The following CKAP2 variants were observed in gnomAD, a reference collection of about 807,000 sequenced individuals.
CKAP2 encodes cytoskeleton-associated protein 2.
Under a neutral mutation model 58.4 loss-of-function variants are expected in CKAP2, and 46 were observed. The observed-to-expected ratio is 0.79, with a 90% CI of 0.62 to 1.01. CKAP2 has a LOEUF of 1.01. Among genes scored for constraint, CKAP2 ranks in the 50% least tolerant of loss-of-function variants. The pLI is 0.00. For missense variants in CKAP2, 809 were observed against 796.4 expected (o/e 1.02, Z -0.19); for synonymous variants, 293 against 280.9 (o/e 1.04, Z -0.43).
Position 52,461,938 on chromosome 13 carries a change from T to G in CKAP2, c.1100+12T>G. 6.4e-7 allele frequency: 1 copy of G among 1,560,892 alleles called. No individual in the cohort carries two copies. Among genetic ancestry groups the G allele is most frequent in the Non-Finnish European group, 8.6e-7 (1 of 1,158,924 alleles). ...TCGGAAGAGAGAAAGTAAGTAGATA[T>G]AATTTTCTTTATTACATTAGTTTTC... On this transcript the variant is annotated intron_variant, in intron 4 of 8. Transcript: ENST00000258607.
At position 52,468,283 on chromosome 13, in the gene CKAP2, TGAA is replaced by T. The variant is rs1049537120; in HGVS notation, c.1485_1487del (p.Glu496del). ...TCTTCATTAAAAAAATTAAGCCTAT[TGAA>T]GAGATGCGACACACGATTGTAGATA... On this transcript the variant is annotated inframe_deletion, in exon 7 of 9. Coordinates refer to ENST00000258607, the MANE Select transcript of CKAP2 (RefSeq NM_018204.5). The T allele has an allele frequency of 6.3e-7, 1 of 1,588,318 alleles. No homozygotes were observed. The highest frequency in any genetic ancestry group is 1.8e-5 in the Admixed American group (1 of 55,746).
Position 52,464,086 on chromosome 13 carries a change from C to T in CKAP2, c.1306-1209C>T, listed in dbSNP as rs527286932. ...TCTCTGAGCTAATTAATATGTAATA[C>T]ACTGAGGTGATATTTACTTACTGCT... On this transcript the variant is annotated intron_variant, in intron 5 of 8. Coordinates refer to ENST00000258607, the MANE Select transcript of CKAP2 (RefSeq NM_018204.5). Among the ~76,000 whole-genome samples the T allele has an allele frequency of 1.3e-3, 200 of 152,272 alleles. 2 individuals carry two copies. The highest frequency in any genetic ancestry group is 3.4e-3 in the Middle Eastern group (1 of 294).
intron 5 of CKAP2, among the ~76,000 whole-genome samples, chr13:52,463,444 C>G (rs756835468): frequency 6.6e-6 from 1 of 151,952 alleles, no homozygotes; most frequent in African/African-American, 2.4e-5. Context: ...CAATTATTCT[C>G]TTACATTTAT....
chr13:52,463,811 A>T (rs189597486), intron 5 of CKAP2, among the ~76,000 whole-genome samples: 196 of 152,220 alleles, frequency 1.3e-3, no homozygotes, highest in Admixed American at 2.2e-3. Flanking sequence ...TTTCTCTTTG[A>T]TTTTATAAAG....
At position 52,462,402 on chromosome 13, in the gene CKAP2, G is replaced by A; in HGVS notation, c.1140G>A (p.Val380=). ...AGTGGAAAGCTGGCAAAGGAAGAGTGCTAAAAAGGCCCCCTAATTCAGTAG... is the reference window on the plus strand; with the variant it reads ...AGTGGAAAGCTGGCAAAGGAAGAGTACTAAAAAGGCCCCCTAATTCAGTAG... ...LSEWKAGKGR[V]LKRPPNSVVT... The change falls in exon 5 of 9, where the codon GTG becomes GTA. Residue 380 remains valine, a synonymous_variant. Transcript: ENST00000258607. 6.2e-7 allele frequency: 1 copy of A among 1,614,082 alleles called. No homozygotes were observed. Among genetic ancestry groups the A allele is most frequent in the Non-Finnish European group, 8.5e-7 (1 of 1,179,988 alleles).
At position 52,468,301 on chromosome 13, in the gene CKAP2, G is replaced by T; in HGVS notation, c.1500G>T (p.Thr500=). Residue 500 remains threonine, a synonymous_variant, in exon 7 of 9, where the codon ACG becomes ACT. Coordinates refer to ENST00000258607, the MANE Select transcript of CKAP2 (RefSeq NM_018204.5). ...AGCCTATTGAAGAGATGCGACACAC[G>T]ATTGTAGATATTCTAACAATGAAGA... ...GAQPIEEMRH[T]IVDILTMKSQ... The T allele has an allele frequency of 6.3e-7, 1 of 1,599,394 alleles. No homozygotes were observed. Among genetic ancestry groups the T allele is most frequent in the Non-Finnish European group, 8.5e-7 (1 of 1,172,508 alleles).
chr13:52,457,281 CA>C (rs1958502608), intron 2 of CKAP2, among the ~76,000 whole-genome samples: 1 of 152,146 alleles, frequency 6.6e-6, no homozygotes, highest in Admixed American at 6.5e-5. Flanking sequence ...ACTAGATTAT[CA>C]ACTTACTGTT....
rs948463644 is a variant in CKAP2 at position 52,476,319 on chromosome 13, A to C, written c.*1178A>C. ...GTAGGACTTTTATTCCGTGTACCTG[A>C]TATATATACAATTAAAATATCTGTG... is the stretch of plus-strand genomic sequence containing the variant. On this transcript the variant is annotated 3_prime_UTR_variant, in exon 9 of 9. Coordinates refer to ENST00000258607, the MANE Select transcript of CKAP2 (RefSeq NM_018204.5). The C allele has an allele frequency of 4.6e-5, 7 of 152,152 alleles. No individual in the cohort carries two copies. Among genetic ancestry groups the C allele is most frequent in the African/African-American group, 1.4e-4 (6 of 41,430 alleles). 9.4% of individuals were successfully genotyped at this position (152,152 alleles called of 1,614,324 possible). A position where few individuals can be genotyped will look rare whatever the true frequency, so the allele number is the denominator to read the frequency against.
intron 2 of CKAP2, among the ~76,000 whole-genome samples, chr13:52,458,200 C>T (rs2137833461): frequency 6.6e-6 from 1 of 152,132 alleles, no homozygotes; most frequent in South Asian, 2.1e-4. Flanking sequence ...TAACCGTATA[C>T]TGAAATAGGA....
chr13:52,465,525 T>C (rs2137854612), intron 6 of CKAP2, 60 bp downstream of exon 6: 1 of 1,422,478 alleles, frequency 7.0e-7, no homozygotes, highest in East Asian at 2.3e-5. Flanking sequence ...CGGAATTAAT[T>C]TGAAACACAT....
At chr13:52,466,177 G>A (rs921431720) in intron 6 of CKAP2, among the ~76,000 whole-genome samples, 2 of 151,912 alleles carry the variant, frequency 1.3e-5, no homozygotes, top group African/African-American at 4.8e-5. Context: ...ATCTCTTCTA[G>A]CGTATTGATA....
rs1566106162 is a variant in CKAP2 at position 52,474,015 on chromosome 13, C to A, written c.1733C>A (p.Thr578Asn). 6.2e-7 allele frequency: 1 copy of A among 1,613,848 alleles called. No homozygotes were observed. The highest frequency in any genetic ancestry group is 2.2e-5 in the East Asian group (1 of 44,840). ...KTKDPTHDVK[T>N]PNTETRTSCL... ...AAAGATCCAACCCATGATGTTAAAACCCCCAATACAGAAACGAGGACAAGT... is the reference window on the plus strand; with the variant it reads ...AAAGATCCAACCCATGATGTTAAAAACCCCAATACAGAAACGAGGACAAGT... Residue 578 changes from threonine (T) to asparagine (N), a missense_variant, in exon 8 of 9, where the codon ACC (threonine) becomes AAC (asparagine). This residue lies in a region of CKAP2 where 283 missense variants were observed against 287.6 expected (regional missense o/e 0.98). Transcript: ENST00000258607.
chr13:52,465,506 T>C (rs61959701), intron 6 of CKAP2, 41 bp downstream of exon 6: 7 of 1,533,570 alleles, frequency 4.6e-6, no homozygotes, highest in African/African-American at 1.4e-5. Flanking sequence ...TACAGTGTAG[T>C]AGACAATTCG....
intron 2 of CKAP2, among the ~76,000 whole-genome samples, chr13:52,457,798 G>A (rs1958510490): frequency 6.6e-6 from 1 of 152,000 alleles, no homozygotes; most frequent in Non-Finnish European, 1.5e-5. Flanking sequence ...AGGTTGCAGT[G>A]AGCCGAGATC....
intron 7 of CKAP2, among the ~76,000 whole-genome samples, chr13:52,470,716 G>A (rs1312651925): frequency 1.3e-5 from 2 of 152,112 alleles, no homozygotes; most frequent in Non-Finnish European, 2.9e-5. Flanking sequence ...TATGGTGACT[G>A]CTAATATGTA....
chr13:52,467,910 C>T (rs535748203), intron 6 of CKAP2, among the ~76,000 whole-genome samples: 2 of 151,674 alleles, frequency 1.3e-5, no homozygotes, highest in South Asian at 2.1e-4. Flanking sequence ...CCTGGGTTCA[C>T]GCCATTCTCC....
rs564988275 is a variant in CKAP2 at position 52,457,047 on chromosome 13, C to G, written c.155+440C>G. On this transcript the variant is annotated intron_variant, in intron 2 of 8. Transcript: ENST00000258607. ...ACCTGGGACTGACTACAGGCAAGTG[C>G]CACCATTCCCTGCTAATTTTTGTAT... Among the ~76,000 whole-genome samples, 205 of 152,206 alleles carry G rather than the reference C, an allele frequency of 1.3e-3. 1 individual carries two copies. Among genetic ancestry groups the G allele is most frequent in the Non-Finnish European group, 4.1e-4 (28 of 68,024 alleles).
intron 2 of CKAP2, among the ~76,000 whole-genome samples, chr13:52,458,252 CTA>C (rs1222459253): frequency 6.6e-6 from 1 of 152,042 alleles, no homozygotes; most frequent in African/African-American, 2.4e-5. Flanking sequence ...TCTGTTTTGA[CTA>C]TGTTTGAGGT....
At chr13:52,457,928 A>G (rs542732990) in intron 2 of CKAP2, among the ~76,000 whole-genome samples, 30 of 152,228 alleles carry the variant, frequency 2.0e-4, no homozygotes, top group Non-Finnish European at 3.4e-4. Flanking sequence ...AGTGGAAATG[A>G]TAACGCAAAT....
Sources: allele counts gnomAD v4.1 joint callset (sites outside exome capture counted in the v4.1 genomes callset), GRCh38; gene constraint gnomAD v4.1.1; regional missense constraint gnomAD v4.1.1; transcripts MANE v1.5; gene names NCBI Gene and HGNC (gene_info 2026-07-23, HGNC 2026-07-21).